Variants in REL observed in about 807,000 individuals in gnomAD.
REL encodes REL proto-oncogene, NF-kB subunit.
In REL, 15 loss-of-function variants were observed where a neutral mutation model predicts 45.9. The observed-to-expected ratio is 0.33, with a 90% CI of 0.22 to 0.50. REL has a LOEUF of 0.50. Ranked by LOEUF, REL falls within the 20% of genes least tolerant of loss-of-function variation. The pLI is 0.98. For missense variants in REL, 601 were observed against 715.2 expected, an observed-to-expected ratio of 0.84 and a Z score of 1.82; for synonymous variants, 239 against 242.1, an observed-to-expected ratio of 0.99 and a Z score of 0.12.
Position 60,927,456 on chromosome 2 carries a change from T to C in REL, c.*4921T>C, listed in dbSNP as rs538077512. 5.8e-4 allele frequency: 133 copies of C among 230,602 alleles called. No homozygotes were observed. The highest frequency in any genetic ancestry group is 3.9e-3 in the Middle Eastern group (3 of 776). The allele number at this position is 230,602 out of a possible 1,614,324, so 14.3% of individuals were successfully genotyped here. A position where few individuals can be genotyped will look rare whatever the true frequency, so the allele number is the denominator to read the frequency against. ...GAGAATAGTAGTGTCAACTGTATTA[T>C]GTAGAAATTCTAAAGTTTTTGGGAT... On this transcript the variant is annotated 3_prime_UTR_variant, in exon 10 of 10. Transcript: ENST00000394479.
intron 4 of REL, among the ~76,000 whole-genome samples, chr2:60,903,866 C>G (rs549920348): frequency 1.9e-4 from 29 of 151,888 alleles, no homozygotes; most frequent in Non-Finnish European, 2.9e-4. Context: ...TGGGTTTTGC[C>G]ATATTCTCCA....
intron 4 of REL, among the ~76,000 whole-genome samples, chr2:60,903,283 A>T (rs1573327948): frequency 6.6e-6 from 1 of 152,246 alleles, no homozygotes; most frequent in East Asian, 1.9e-4. Flanking sequence ...TGCAAATATA[A>T]GTGGCAGACC....
chr2:60,895,758 A>G (rs1217611877), intron 3 of REL, among the ~76,000 whole-genome samples: 1 of 152,208 alleles, frequency 6.6e-6, no homozygotes, highest in East Asian at 1.9e-4. Flanking sequence ...TTCCACTTCT[A>G]GGAGTTTAGC....
chr2:60,894,058 G>A (rs969888131), intron 2 of REL, among the ~76,000 whole-genome samples: 12 of 152,174 alleles, frequency 7.9e-5, no homozygotes, highest in Admixed American at 2.0e-4. Flanking sequence ...ATGACAGTAC[G>A]TTAAAGAGCT....
At chr2:60,916,077 C>T (rs144652523) in intron 4 of REL, among the ~76,000 whole-genome samples, 2 of 152,296 alleles carry the variant, frequency 1.3e-5, no homozygotes, top group South Asian at 4.1e-4. Flanking sequence ...CACATTTCCA[C>T]CCTGTCACTG....
chr2:60,908,377 T>C (rs1401676393), intron 4 of REL, among the ~76,000 whole-genome samples: 1 of 152,238 alleles, frequency 6.6e-6, no homozygotes, highest in Non-Finnish European at 1.5e-5. Flanking sequence ...TCTTGCCATT[T>C]GTTCTTTAAA....
At chr2:60,910,873 A>G (rs975818260) in intron 4 of REL, among the ~76,000 whole-genome samples, 4 of 152,204 alleles carry the variant, frequency 2.6e-5, no homozygotes, top group Non-Finnish European at 4.4e-5. Flanking sequence ...CAGAGGCTGC[A>G]GTGAGCCAAG....
chr2:60,909,385 T>C (rs759213245), intron 4 of REL, among the ~76,000 whole-genome samples: 1 of 152,170 alleles, frequency 6.6e-6, no homozygotes, highest in Non-Finnish European at 1.5e-5. Flanking sequence ...ATATACTTTT[T>C]AAGTAACAAA....
intron 4 of REL, among the ~76,000 whole-genome samples, chr2:60,911,660 TAAATG>T (rs1673816707): frequency 6.6e-6 from 1 of 152,060 alleles, no homozygotes; most frequent in Non-Finnish European, 1.5e-5. Context: ...AATACTTAAA[TAAATG>T]GAGAGGTATT....
At chr2:60,884,614 CCTT>C (rs1389936750) in intron 1 of REL, among the ~76,000 whole-genome samples, 1 of 151,968 alleles carries the variant, frequency 6.6e-6, no homozygotes, top group Non-Finnish European at 1.5e-5. Flanking sequence ...TGAATTTAAA[CCTT>C]CTCATTGTTC....
intron 3 of REL, chr2:60,899,090 T>G (rs766302121): frequency 1.3e-5 from 2 of 152,176 alleles, no homozygotes; most frequent in Admixed American, 6.6e-5. Context: ...ATAAAATCTT[T>G]TACCAAAGAA....
intron 4 of REL, among the ~76,000 whole-genome samples, chr2:60,907,580 GC>G (rs1300490537): frequency 6.6e-6 from 1 of 152,026 alleles, no homozygotes; most frequent in Admixed American, 6.5e-5. Context: ...GTTGCAGTGA[GC>G]CCAGATTGTG....
intron 4 of REL, among the ~76,000 whole-genome samples, chr2:60,902,501 C>T (rs1385699356): frequency 1.3e-5 from 2 of 148,562 alleles, no homozygotes; most frequent in African/African-American, 5.0e-5. Flanking sequence ...AGGAATATAC[C>T]TTAAACTTTC....
intron 2 of REL, among the ~76,000 whole-genome samples, chr2:60,892,908 C>G: frequency 6.6e-6 from 1 of 152,022 alleles, no homozygotes. Flanking sequence ...GCGCCCCCTA[C>G]CACGCCCAGC....
chr2:60,924,206 TTATG>T lies in REL; in HGVS notation c.*1677_*1680del, dbSNP rs1386446122. On this transcript the variant is annotated 3_prime_UTR_variant, in exon 10 of 10. Coordinates refer to ENST00000394479, the MANE Select transcript of REL (RefSeq NM_001291746.2). ...ATCAGCATTCCCTTTCCCCCCTGCT[TTATG>T]TATGTCCATAGCACTCACCACGATC... 1 of 229,432 alleles carries T rather than the reference TTATG, an allele frequency of 4.4e-6. No homozygotes were observed. The highest frequency in any genetic ancestry group is 8.6e-6 in the Non-Finnish European group (1 of 115,696). The allele number at this position is 229,432 out of a possible 1,614,324, so 14.2% of individuals were successfully genotyped here.
intron 5 of REL, among the ~76,000 whole-genome samples, chr2:60,917,716 ACG>A (rs1491440136): frequency 6.6e-5 from 6 of 90,896 alleles, no homozygotes; most frequent in African/African-American, 3.9e-5. Flanking sequence ...GTGTGTGTGT[ACG>A]TGTGTGTGTG....
At chr2:60,918,662 A>G (rs1674050384) in intron 7 of REL, 56 bp downstream of exon 7, 2 of 1,161,372 alleles carry the variant, frequency 1.7e-6, no homozygotes, top group Non-Finnish European at 2.6e-6. Flanking sequence ...CCTGCTAATA[A>G]CATCTTCTTG....
In REL at chr2:60,918,262, G is replaced by A; in HGVS notation, c.607G>A (p.Glu203Lys). The A allele has an allele frequency of 6.2e-7, 1 of 1,606,748 alleles. No homozygotes were observed. The highest frequency in any genetic ancestry group is 8.5e-7 in the Non-Finnish European group (1 of 1,174,920). Residue 203 changes from glutamate (E) to lysine (K), a missense_variant, in exon 6 of 10, where the codon GAA (glutamate) becomes AAA (lysine). By Grantham distance (56) the Glu-to-Lys change is moderately conservative. Around this residue, in one of 4 missense-constraint regions of REL, gnomAD observed 241 missense variants for 347.0 expected, o/e 0.69. Coordinates refer to ENST00000394479, the MANE Select transcript of REL (RefSeq NM_001291746.2). ...TTGTGGAAGTGTCAGAGGAGGAGAT[G>A]AAATATTTCTACTTTGTGACAAAGT... ...KNCGSVRGGD[E>K]IFLLCDKVQK...
chr2:60,914,837 T>TG (rs1673917874), intron 4 of REL, among the ~76,000 whole-genome samples: 1 of 143,874 alleles, frequency 7.0e-6, no homozygotes, highest in Non-Finnish European at 1.5e-5. Context: ...GTTTTTTTGT[T>TG]TTTTTTTTTT....
Sources: gnomAD v4.1 joint callset for allele counts (sites outside exome capture counted in the v4.1 genomes callset) on GRCh38, gnomAD v4.1.1 for gene constraint, gnomAD v4.1.1 regional missense constraint, MANE v1.5 for transcripts, NCBI Gene and HGNC (gene_info 2026-07-23, HGNC 2026-07-21) for gene names.